Variants in EFCAB11 observed in about 807,000 individuals in gnomAD.
The protein encoded by EFCAB11 is EF-hand calcium-binding domain-containing protein 11.
Under a neutral mutation model 23.0 loss-of-function variants are expected in EFCAB11, and 14 were observed. The observed-to-expected ratio is 0.61, with a 90% CI of 0.40 to 0.95. EFCAB11 has a LOEUF of 0.95. Ranked by LOEUF, EFCAB11 falls within the 40% of genes least tolerant of loss-of-function variation. The pLI, the probability that EFCAB11 is intolerant of heterozygous loss-of-function variation, is 0.00. For missense variants in EFCAB11, 198 were observed against 195.8 expected, an observed-to-expected ratio of 1.01 and a Z score of -0.07; for synonymous variants, 65 against 66.6, an observed-to-expected ratio of 0.98 and a Z score of 0.11.
rs534509557 is a variant in EFCAB11, at chr14:89,834,880, T to C, written c.411-37556A>G. ...TAGAAAAGGGCAGAATCCAAAGCTA[T>C]GGTGGAAGGATTTGTCTGGGGCTGG... On this transcript the variant is annotated intron_variant, in intron 5 of 5. Transcript: ENST00000316738. 1.4e-4 allele frequency among the ~76,000 whole-genome samples: 21 copies of C among 152,328 alleles called. No homozygotes were observed. In the South Asian group the frequency reaches 3.5e-3, roughly 26 times the overall value.
chr14:89,813,315 AG>A (rs988091537), intron 5 of EFCAB11, among the ~76,000 whole-genome samples: 20 of 152,352 alleles, frequency 1.3e-4, no homozygotes, highest in Admixed American at 1.1e-3. Flanking sequence ...CTTGATATCT[AG>A]GAACAGCTCC....
intron 5 of EFCAB11, among the ~76,000 whole-genome samples, chr14:89,843,831 T>C (rs1487272231): frequency 6.6e-6 from 1 of 152,212 alleles, no homozygotes; most frequent in Non-Finnish European, 1.5e-5. Flanking sequence ...AAAAACCATA[T>C]TTAATATCAC....
rs913579529 is a variant in EFCAB11, at chr14:89,939,985, C to T, written c.218-7358G>A. Among the ~76,000 whole-genome samples, 4 of 152,300 alleles carry T rather than the reference C, an allele frequency of 2.6e-5. No individual in the cohort carries two copies. The South Asian group carries it at 8.3e-4, about 32-fold the overall frequency. On this transcript the variant is annotated intron_variant, in intron 3 of 5. Coordinates refer to ENST00000316738, the MANE Select transcript of EFCAB11 (RefSeq NM_145231.4). ...AACTCCTGACCTCGTGATCCACCTT[C>T]CTCGGCCTCCCAAAGTGCTGGGATT...
intron 5 of EFCAB11, among the ~76,000 whole-genome samples, chr14:89,810,524 G>A (rs75176561): frequency 0.22 from 32,916 of 152,052 alleles, 4,271 homozygotes; most frequent in Non-Finnish European, 0.3. Context: ...ACTATGCAGA[G>A]GTGGGTGGAT....
intron 5 of EFCAB11, among the ~76,000 whole-genome samples, chr14:89,802,100 T>TA (rs1265040933): frequency 6.6e-6 from 1 of 152,132 alleles, no homozygotes; most frequent in Non-Finnish European, 1.5e-5. Context: ...TGAAAGTGGT[T>TA]ATTTCTTGGA....
chr14:89,935,936 A>T (rs1430563919), intron 3 of EFCAB11, among the ~76,000 whole-genome samples: 3 of 152,056 alleles, frequency 2.0e-5, no homozygotes, highest in Non-Finnish European at 4.4e-5. Context: ...TGAACCCAGG[A>T]GGTGGAGGTT....
At chr14:89,944,969 T>C in intron 3 of EFCAB11, among the ~76,000 whole-genome samples, 1 of 97,254 alleles carries the variant, frequency 1.0e-5, no homozygotes, top group East Asian at 3.2e-4. Flanking sequence ...TTTTATTAGA[T>C]CTAATAATAA....
At chr14:89,929,062 T>C (rs1443236293) in intron 5 of EFCAB11, among the ~76,000 whole-genome samples, 12 of 134,320 alleles carry the variant, frequency 8.9e-5, no homozygotes, top group Non-Finnish European at 1.5e-4. Flanking sequence ...CACATATTTT[T>C]TTTTAGGAGG....
In EFCAB11 at chr14:89,898,631, C is replaced by T. The variant is rs558078417; in HGVS notation, c.410+32910G>A. On this transcript the variant is annotated intron_variant, in intron 5 of 5. Coordinates refer to ENST00000316738, the MANE Select transcript of EFCAB11 (RefSeq NM_145231.4). ...CCACCCACCTTGGCCTCCCAAAGTG[C>T]TGGGATTACAGATGTGAGCCACCGC... 1.0e-3 allele frequency among the ~76,000 whole-genome samples: 156 copies of T among 148,790 alleles called. 2 individuals carry two copies. In the South Asian group the frequency reaches 0.032, roughly 31 times the overall value.
intron 5 of EFCAB11, among the ~76,000 whole-genome samples, chr14:89,928,682 TTA>T (rs58422365): frequency 0.14 from 20,455 of 148,332 alleles, 3,351 homozygotes; most frequent in African/African-American, 0.4. Flanking sequence ...TTATGTATGT[TTA>T]TATATGTTAA....
chr14:89,830,861 T>C (rs181878199), intron 5 of EFCAB11: 227 of 152,312 alleles, frequency 1.5e-3, no homozygotes, highest in African/African-American at 5.2e-3. Flanking sequence ...TTAAAAATCA[T>C]TTTAAAAGCA....
At chr14:89,908,606 T>C (rs1314557562) in intron 5 of EFCAB11, among the ~76,000 whole-genome samples, 4 of 152,176 alleles carry the variant, frequency 2.6e-5, no homozygotes, top group Non-Finnish European at 5.9e-5. Flanking sequence ...CATTATGATA[T>C]GCAAATATTC....
intron 5 of EFCAB11, among the ~76,000 whole-genome samples, chr14:89,839,757 A>AG: frequency 6.7e-6 from 1 of 149,982 alleles, no homozygotes; most frequent in African/African-American, 2.4e-5. Context: ...TGGAATGCAA[A>AG]GGGGGAGCCA....
At chr14:89,839,051 T>C (rs1169988502) in intron 5 of EFCAB11, among the ~76,000 whole-genome samples, 1 of 152,148 alleles carries the variant, frequency 6.6e-6, no homozygotes, top group East Asian at 1.9e-4. Flanking sequence ...TGGATGACAG[T>C]ATTATGGACA....
intron 5 of EFCAB11, among the ~76,000 whole-genome samples, chr14:89,878,661 C>T (rs984907817): frequency 6.6e-6 from 1 of 152,092 alleles, no homozygotes; most frequent in Non-Finnish European, 1.5e-5. Flanking sequence ...GTACATTTTA[C>T]ATAGCAATCA....
intron 5 of EFCAB11, among the ~76,000 whole-genome samples, chr14:89,883,000 T>G (rs1888649836): frequency 6.6e-6 from 1 of 152,124 alleles, no homozygotes; most frequent in South Asian, 2.1e-4. Context: ...TCCCCACTCT[T>G]TCTTTTGCTT....
At chr14:89,819,090 ATTTG>A (rs1465374974) in intron 5 of EFCAB11, among the ~76,000 whole-genome samples, 4 of 152,178 alleles carry the variant, frequency 2.6e-5, no homozygotes, top group African/African-American at 9.7e-5. Context: ...CAGCTGCTTT[ATTTG>A]TTTAATGCCC....
At position 89,927,346 on chromosome 14, in the gene EFCAB11, T is replaced by G. The variant is rs185881453; in HGVS notation, c.410+4195A>C. 1.8e-4 allele frequency among the ~76,000 whole-genome samples: 27 copies of G among 152,338 alleles called. No individual in the cohort carries two copies. In the East Asian group the frequency reaches 5.2e-3, roughly 29 times the overall value. On this transcript the variant is annotated intron_variant, in intron 5 of 5. Transcript: ENST00000316738. ...AAGACTATAAAAACTTATTCAGTCATTCAAGCCACAGAGGACCCCGGCCTA... is the reference window on the plus strand; with the variant it reads ...AAGACTATAAAAACTTATTCAGTCAGTCAAGCCACAGAGGACCCCGGCCTA...
intron 5 of EFCAB11, among the ~76,000 whole-genome samples, chr14:89,902,873 C>T (rs1889384629): frequency 6.6e-6 from 1 of 152,142 alleles, no homozygotes; most frequent in South Asian, 2.1e-4. Context: ...ATCCAAATTA[C>T]CTTGTACTTT....
Sources: allele counts gnomAD v4.1 joint callset (sites outside exome capture counted in the v4.1 genomes callset), GRCh38; gene constraint gnomAD v4.1.1; transcripts MANE v1.5; gene names NCBI Gene and HGNC (gene_info 2026-07-23, HGNC 2026-07-21).